The following LRP1B variants were observed in gnomAD, a reference collection of about 807,000 sequenced individuals.
LRP1B encodes low-density lipoprotein receptor-related protein 1B.
A neutral mutation model predicts 556.6 loss-of-function variants in LRP1B; 217 were observed. That is an observed-to-expected ratio of 0.39 (90% CI 0.35 to 0.44). The LOEUF (loss-of-function observed/expected upper bound fraction) is 0.44, where lower values mean the gene tolerates loss of function less well. LRP1B is among the 20% of genes least tolerant of loss of function. The pLI is 1.00. For missense variants in LRP1B, 5,053 were observed against 5,620.8 expected, an observed-to-expected ratio of 0.90 and a Z score of 3.23; for synonymous variants, 2,047 against 1,865.8, an observed-to-expected ratio of 1.10 and a Z score of -2.50.
At chr2:141,294,739 C>A (rs929854847) in intron 3 of LRP1B, among the ~76,000 whole-genome samples, 344 of 139,112 alleles carry the variant, frequency 2.5e-3, no homozygotes, top group Admixed American at 2.8e-3. Flanking sequence ...GATTCTGTCT[C>A]AAAAAAAAAA....
Position 141,049,045 on chromosome 2 carries a change from C to G in LRP1B, c.1730G>C (p.Ser577Thr), listed in dbSNP as rs1698960719. The G allele has an allele frequency of 6.2e-7, 1 of 1,613,450 alleles. No homozygotes were observed. The highest frequency in any genetic ancestry group is 8.5e-7 in the Non-Finnish European group (1 of 1,179,702). ...TATCTTCTGCCGGCCAATTAGGAAA[C>G]TGGTGGTGTCAGCAAAGTAGATGTA... ...TNYIYFADTTSFLIGRQKIDG... is the reference protein window; with the variant it reads ...TNYIYFADTTTFLIGRQKIDG... Residue 577 changes from serine to threonine, a missense_variant, in exon 11 of 91, where the codon AGT (serine) becomes ACT (threonine). Ser to Thr is a moderately conservative substitution (Grantham distance 58). Transcript: ENST00000389484.
In LRP1B at chr2:141,013,151, A is replaced by G. The variant is rs116891665; in HGVS notation, c.2380+405T>C. ...ACTTACTAAGATACTTTTAAAAAATAACATTTTTCTTGTATAATGCATCTT... is the reference window on the plus strand; with the variant it reads ...ACTTACTAAGATACTTTTAAAAAATGACATTTTTCTTGTATAATGCATCTT... On this transcript the variant is annotated intron_variant, in intron 14 of 90. Transcript: ENST00000389484. Among the ~76,000 whole-genome samples, 53 of 152,112 alleles carry G rather than the reference A, an allele frequency of 3.5e-4. No individual in the cohort carries two copies. In the East Asian group the frequency reaches 9.1e-3, roughly 26 times the overall value.
chr2:141,331,565 GA>G (rs1418694684), intron 3 of LRP1B, among the ~76,000 whole-genome samples: 3 of 35,304 alleles, frequency 8.5e-5, no homozygotes, highest in African/African-American at 1.8e-4. Flanking sequence ...ATTTGGGAGG[GA>G]GGGGGAATTT....
chr2:141,341,903 A>C (rs1015207816), intron 3 of LRP1B, among the ~76,000 whole-genome samples: 2 of 152,176 alleles, frequency 1.3e-5, no homozygotes, highest in African/African-American at 4.8e-5. Flanking sequence ...GATAGCAGTC[A>C]GCATCATTAT....
intron 7 of LRP1B, among the ~76,000 whole-genome samples, chr2:141,074,915 T>A (rs1352933510): frequency 1.3e-5 from 2 of 152,024 alleles, no homozygotes; most frequent in African/African-American, 2.4e-5. Context: ...TTGTAAGGAG[T>A]AGTGATTAGT....
chr2:141,216,829 G>A (rs191948847), intron 6 of LRP1B, among the ~76,000 whole-genome samples: 33 of 152,260 alleles, frequency 2.2e-4, no homozygotes, highest in Admixed American at 1.8e-3. Flanking sequence ...GAATGGGAAT[G>A]TTTACTCATC....
chr2:142,039,537 A>G (rs1369639758), intron 1 of LRP1B, among the ~76,000 whole-genome samples: 1 of 151,528 alleles, frequency 6.6e-6, no homozygotes, highest in Non-Finnish European at 1.5e-5. Context: ...AAATTAAAAT[A>G]AGGCAGTAAA....
At chr2:140,335,204 ATGTGTG>A (rs68000207) in intron 78 of LRP1B, among the ~76,000 whole-genome samples, 4 of 151,216 alleles carry the variant, frequency 2.6e-5, no homozygotes, top group South Asian at 2.1e-4. Flanking sequence ...GTATATATAT[ATGTGTG>A]TGTGTGTGTA....
chr2:140,264,484 C>T (rs1036568416), intron 86 of LRP1B, among the ~76,000 whole-genome samples: 1 of 152,098 alleles, frequency 6.6e-6, no homozygotes. Context: ...CAACTACTAA[C>T]CTCAAGTGAT....
chr2:140,735,690 TA>T (rs1187827415), intron 35 of LRP1B, among the ~76,000 whole-genome samples: 7 of 152,180 alleles, frequency 4.6e-5, no homozygotes, highest in Non-Finnish European at 1.0e-4. Context: ...CTTGTGCTGG[TA>T]GATATTACAG....
rs768660053 is a variant in LRP1B, at chr2:141,188,537, A to G, written c.897T>C (p.Phe299=). The G allele has an allele frequency of 2.5e-6, 4 of 1,612,800 alleles. No homozygotes were observed. The East Asian group carries it at 8.9e-5, about 36-fold the overall frequency. Residue 299 remains phenylalanine, a synonymous_variant, in exon 7 of 91, where the codon TTT becomes TTC. Transcript: ENST00000389484. ...AIDWLTRNLY[F]VDHVGDRIFV... ...AGATCCGGTCACCGACATGGTCCAC[A>G]AAATAGAGATTTCGAGTGAGCCAGT...
chr2:140,711,529 C>CT (rs1427168855), intron 37 of LRP1B, among the ~76,000 whole-genome samples: 2 of 151,962 alleles, frequency 1.3e-5, no homozygotes, highest in Admixed American at 6.6e-5. Flanking sequence ...GATCTATAAC[C>CT]TTTTTTCTCC....
At chr2:140,748,858 T>TCATATATATTATATACATGTATATA (rs1559094854) in intron 35 of LRP1B, among the ~76,000 whole-genome samples, 3 of 138,976 alleles carry the variant, frequency 2.2e-5, no homozygotes, top group East Asian at 2.0e-4. Flanking sequence ...ATAATATATA[T>TCATATATATTATATACATGTATATA]ACACACACAC....
At chr2:141,258,816 C>T (rs1182824557) in intron 3 of LRP1B, among the ~76,000 whole-genome samples, 1 of 152,124 alleles carries the variant, frequency 6.6e-6, no homozygotes, top group African/African-American at 2.4e-5. Flanking sequence ...TAAGACGTGC[C>T]TCCTTTCTTT....
At chr2:140,333,056 T>C (rs1490673693) in intron 79 of LRP1B, among the ~76,000 whole-genome samples, 1 of 152,068 alleles carries the variant, frequency 6.6e-6, no homozygotes, top group Admixed American at 6.6e-5. Context: ...CATCCTCATA[T>C]CTTCCATTCT....
At chr2:142,017,657 T>C (rs1158028640) in intron 1 of LRP1B, among the ~76,000 whole-genome samples, 1 of 152,104 alleles carries the variant, frequency 6.6e-6, no homozygotes, top group Non-Finnish European at 1.5e-5. Context: ...GAAGGATCAC[T>C]TGTGCCCAAG....
intron 1 of LRP1B, among the ~76,000 whole-genome samples, chr2:142,117,242 C>T (rs1042713604): frequency 8.5e-5 from 13 of 152,122 alleles, no homozygotes; most frequent in African/African-American, 3.1e-4. Context: ...TATCATTAAA[C>T]CTCTGCTGGG....
intron 2 of LRP1B, among the ~76,000 whole-genome samples, chr2:141,542,330 T>C (rs1374190423): frequency 1.3e-5 from 2 of 151,992 alleles, no homozygotes; most frequent in South Asian, 2.1e-4. Context: ...AAGCTTTCTA[T>C]GATTTTTAAT....
chr2:140,324,194 TTACAA>T, intron 80 of LRP1B, 128 bp from the exon 81 acceptor site: 1 of 535,176 alleles, frequency 1.9e-6, no homozygotes, highest in Non-Finnish European at 3.3e-6. Flanking sequence ...ATTGGAATAT[TTACAA>T]TATTAGCTAT....
Sources: gnomAD v4.1 joint callset for allele counts (sites outside exome capture counted in the v4.1 genomes callset) on GRCh38, gnomAD v4.1.1 for gene constraint, MANE v1.5 for transcripts, NCBI Gene and HGNC (gene_info 2026-07-23, HGNC 2026-07-21) for gene names.